The following KCNC2 variants were observed in gnomAD, a reference collection of about 807,000 sequenced individuals.
KCNC2 encodes voltage-gated potassium channel KCNC2.
In KCNC2, 21 loss-of-function variants were observed where a neutral mutation model predicts 44.5. The ratio of observed to expected loss-of-function variants is 0.47; its 90% CI spans 0.33 to 0.68. KCNC2 has a LOEUF of 0.68. Ranked by LOEUF, KCNC2 falls within the 30% of genes least tolerant of loss-of-function variation. The pLI, the probability that KCNC2 is intolerant of heterozygous loss-of-function variation, is 0.01. For missense variants in KCNC2, 589 were observed against 826.2 expected (o/e 0.71, Z 3.52); for synonymous variants, 391 against 339.1 (o/e 1.15, Z -1.68).
chr12:75,041,561 A>T lies in KCNC2; in HGVS notation c.*1544T>A. On this transcript the variant is annotated 3_prime_UTR_variant, in exon 5 of 5. Transcript: ENST00000549446. ...TATATTACGGTCTTTTTCTTCCCTC[A>T]CATGCTCAATACATGAGACACGCTA... 1 of 1,108,754 alleles carries T rather than the reference A, an allele frequency of 9.0e-7. No homozygotes were observed. Among genetic ancestry groups the T allele is most frequent in the Non-Finnish European group, 1.1e-6 (1 of 900,960 alleles). 68.7% of individuals were successfully genotyped at this position (1,108,754 alleles called of 1,614,324 possible). A position where few individuals can be genotyped will look rare whatever the true frequency, so the allele number is the denominator to read the frequency against.
intron 2 of KCNC2, among the ~76,000 whole-genome samples, chr12:75,147,659 T>C (rs1890118369): frequency 6.6e-6 from 1 of 152,132 alleles, no homozygotes; most frequent in South Asian, 2.1e-4. Context: ...AAGACGAAAT[T>C]TTCTGAGCAA....
At chr12:75,070,533 A>G (rs1463378695) in intron 2 of KCNC2, among the ~76,000 whole-genome samples, 4 of 152,142 alleles carry the variant, frequency 2.6e-5, no homozygotes, top group Non-Finnish European at 5.9e-5. Flanking sequence ...GGAAAATTAA[A>G]TAACAGTATG....
intron 2 of KCNC2, among the ~76,000 whole-genome samples, chr12:75,197,683 A>T (rs1189410427): frequency 1.3e-5 from 2 of 151,982 alleles, no homozygotes; most frequent in Non-Finnish European, 2.9e-5. Context: ...AGCATTAGAA[A>T]CTCTGATGCT....
At chr12:75,198,583 C>A (rs1017696537) in intron 2 of KCNC2, among the ~76,000 whole-genome samples, 1 of 151,768 alleles carries the variant, frequency 6.6e-6, no homozygotes, top group Admixed American at 6.6e-5. Context: ...TTCCTAAATA[C>A]CAATTTTACT....
chr12:75,205,128 C>T (rs1237247560), intron 2 of KCNC2, among the ~76,000 whole-genome samples: 1 of 152,148 alleles, frequency 6.6e-6, no homozygotes, highest in Non-Finnish European at 1.5e-5. Context: ...AGAGATTTCA[C>T]AATCCAGTCC....
intron 2 of KCNC2, among the ~76,000 whole-genome samples, chr12:75,130,210 ATG>A (rs1888731057): frequency 6.6e-6 from 1 of 152,160 alleles, no homozygotes; most frequent in Admixed American, 6.6e-5. Context: ...TTTTATAAAG[ATG>A]CACACACACG....
At chr12:75,099,853 G>C in intron 2 of KCNC2, among the ~76,000 whole-genome samples, 1 of 152,126 alleles carries the variant, frequency 6.6e-6, no homozygotes, top group South Asian at 2.1e-4. Context: ...CAATGGATTA[G>C]AGTAAGATGA....
intron 2 of KCNC2, among the ~76,000 whole-genome samples, chr12:75,081,083 T>C (rs915014045): frequency 1.6e-5 from 2 of 127,644 alleles, no homozygotes; most frequent in Non-Finnish European, 1.9e-5. Context: ...TTATGTACTA[T>C]AGCCTTCCTG....
chr12:75,043,552 AG>A, intron 4 of KCNC2: 1 of 1,216,478 alleles, frequency 8.2e-7, no homozygotes, highest in South Asian at 2.9e-5. Flanking sequence ...AATTAGGCAA[AG>A]CAACTTAAGT....
chr12:75,071,847 G>C (rs1883437547), intron 2 of KCNC2, among the ~76,000 whole-genome samples: 1 of 138,200 alleles, frequency 7.2e-6, no homozygotes, highest in Non-Finnish European at 1.5e-5. Flanking sequence ...TGAGGCAGGA[G>C]AATCGCTTGA....
chr12:75,067,823 A>T (rs1882987522), intron 2 of KCNC2, among the ~76,000 whole-genome samples: 1 of 152,032 alleles, frequency 6.6e-6, no homozygotes, highest in African/African-American at 2.4e-5. Context: ...TAATTTGTCA[A>T]AGTGTATCAC....
At chr12:75,153,339 T>A (rs543155825) in intron 2 of KCNC2, among the ~76,000 whole-genome samples, 5 of 151,962 alleles carry the variant, frequency 3.3e-5, no homozygotes, top group African/African-American at 1.2e-4. Flanking sequence ...CAATCTCCCA[T>A]GCAGTTGAAA....
chr12:75,204,215 A>G (rs1202282553), intron 2 of KCNC2, among the ~76,000 whole-genome samples: 1 of 152,000 alleles, frequency 6.6e-6, no homozygotes, highest in Non-Finnish European at 1.5e-5. Flanking sequence ...TAAAATATAC[A>G]CTTATTTACC....
Position 75,095,170 on chromosome 12 carries a change from G to T in KCNC2, c.688-43853C>A, listed in dbSNP as rs117762174. ...GAAGAATGGAGAATGGTTTACAGCT[G>T]ATTATTAGTACATAAAATTACACCA... On this transcript the variant is annotated intron_variant, in intron 2 of 4. Coordinates refer to ENST00000549446, the MANE Select transcript of KCNC2 (RefSeq NM_139137.4). 1.7e-3 allele frequency among the ~76,000 whole-genome samples: 251 copies of T among 151,888 alleles called. 5 individuals carry two copies. In the East Asian group the frequency reaches 0.045, roughly 27 times the overall value.
intron 2 of KCNC2, among the ~76,000 whole-genome samples, chr12:75,068,262 G>C (rs10879881): frequency 0.42 from 63,479 of 152,064 alleles, 16,505 homozygotes; most frequent in Non-Finnish European, 0.59. Flanking sequence ...GTATCCAAGG[G>C]CTATTTTAAG....
intron 2 of KCNC2, among the ~76,000 whole-genome samples, chr12:75,194,130 A>G (rs558719358): frequency 3.5e-4 from 53 of 152,292 alleles, no homozygotes; most frequent in African/African-American, 1.2e-3. Flanking sequence ...TGGGTTCAAT[A>G]GTGTCCCTCA....
rs1001904632 is a variant in KCNC2, at chr12:75,042,989, A to G, written c.*116T>C. 56 of 1,479,970 alleles carry G rather than the reference A, an allele frequency of 3.8e-5. No individual in the cohort carries two copies. The African/African-American group carries it at 6.5e-4, about 17-fold the overall frequency. 91.7% of individuals were successfully genotyped at this position (1,479,970 alleles called of 1,614,324 possible). ...ACTTCAAATTGTAGTATCATGCAAGATTTATACTGTATTAATGGAGCCTGG... is the reference window on the plus strand; with the variant it reads ...ACTTCAAATTGTAGTATCATGCAAGGTTTATACTGTATTAATGGAGCCTGG... On this transcript the variant is annotated 3_prime_UTR_variant, in exon 5 of 5. Transcript: ENST00000549446.
chr12:75,129,205 T>C (rs945037907), intron 2 of KCNC2, among the ~76,000 whole-genome samples: 6 of 152,088 alleles, frequency 3.9e-5, no homozygotes, highest in African/African-American at 1.4e-4. Flanking sequence ...GCAAACAAAC[T>C]AACCACCAGA....
intron 4 of KCNC2, among the ~76,000 whole-genome samples, chr12:75,047,705 A>T (rs1225359522): frequency 6.6e-6 from 1 of 152,086 alleles, no homozygotes; most frequent in Admixed American, 6.6e-5. Flanking sequence ...AACATTAGAG[A>T]ACGTTTAATG....
Sources: gnomAD v4.1 joint callset for allele counts (sites outside exome capture counted in the v4.1 genomes callset) on GRCh38, gnomAD v4.1.1 for gene constraint, MANE v1.5 for transcripts, NCBI Gene and HGNC (gene_info 2026-07-23, HGNC 2026-07-21) for gene names.